Variants in MINDY4 observed in about 807,000 individuals in gnomAD.
The protein encoded by MINDY4 is MINDY lysine 48 deubiquitinase 4, also known as probable ubiquitin carboxyl-terminal hydrolase MINDY-4.
In MINDY4, 68 loss-of-function variants were observed where a neutral mutation model predicts 87.0. That is an observed-to-expected ratio of 0.78 (90% CI 0.64 to 0.96). MINDY4 has a LOEUF of 0.96. Ranked by LOEUF, MINDY4 falls within the 40% of genes least tolerant of loss-of-function variation. The probability of loss-of-function intolerance (pLI) is 0.00; values close to 1 mark genes in which losing one functional copy is unlikely to be tolerated. For missense variants in MINDY4, 919 were observed against 928.2 expected (o/e 0.99, Z 0.13); for synonymous variants, 379 against 363.2 (o/e 1.04, Z -0.50).
chr7:30,824,839 C>T (rs1190512076), intron 5 of MINDY4, among the ~76,000 whole-genome samples: 2 of 152,214 alleles, frequency 1.3e-5, no homozygotes, highest in Non-Finnish European at 2.9e-5. Context: ...GGACTATAGG[C>T]ATGAGCCACC....
intron 13 of MINDY4, among the ~76,000 whole-genome samples, chr7:30,862,388 T>C (rs1306279999): frequency 6.6e-6 from 1 of 152,236 alleles, no homozygotes; most frequent in Non-Finnish European, 1.5e-5. Context: ...GAATAAGCCA[T>C]TCTCTGGCCT....
At chr7:30,814,165 A>G (rs1297367327) in intron 5 of MINDY4, among the ~76,000 whole-genome samples, 1 of 152,242 alleles carries the variant, frequency 6.6e-6, no homozygotes, top group Non-Finnish European at 1.5e-5. Flanking sequence ...AGAATATGAA[A>G]GTATTTAATT....
At chr7:30,819,401 CAT>C (rs1009263322) in intron 5 of MINDY4, among the ~76,000 whole-genome samples, 24 of 152,106 alleles carry the variant, frequency 1.6e-4, no homozygotes, top group Admixed American at 1.6e-3. Flanking sequence ...TTTTTTGAGA[CAT>C]AATATGTGGA....
In MINDY4 at chr7:30,882,837, C is replaced by T. The variant is rs563505090; in HGVS notation, c.2153-84C>T. 3.0e-4 allele frequency: 356 copies of T among 1,187,794 alleles called. 3 individuals carry two copies. The South Asian group carries it at 3.3e-3, about 11-fold the overall frequency. The allele number at this position is 1,187,794 out of a possible 1,614,324, so 73.6% of individuals were successfully genotyped here. ...GGAGGGGACAGGGACTAGAAGGGGG[C>T]GGGTCTCGGGAGTGGTCAGCGCTGA... On this transcript the variant is annotated intron_variant, in intron 16 of 17. Transcript: ENST00000265299.
chr7:30,786,184 G>A (rs1021138099), intron 4 of MINDY4, 192 bp downstream of exon 4: 4 of 704,184 alleles, frequency 5.7e-6, no homozygotes, highest in Non-Finnish European at 9.2e-6. Context: ...CCTTGAGCAG[G>A]CCTCCTTTCC....
chr7:30,881,371 G>A (rs1790459595), intron 15 of MINDY4, among the ~76,000 whole-genome samples: 2 of 152,156 alleles, frequency 1.3e-5, no homozygotes, highest in Non-Finnish European at 2.9e-5. Context: ...CCCCTGCTTG[G>A]AATGCTCCTT....
chr7:30,837,405 A>G (rs1788890502), intron 7 of MINDY4, among the ~76,000 whole-genome samples: 1 of 152,184 alleles, frequency 6.6e-6, no homozygotes, highest in Non-Finnish European at 1.5e-5. Context: ...AGGGAAAAAT[A>G]AAACTCCTAG....
chr7:30,781,707 A>G (rs139892423), intron 2 of MINDY4: 3 of 420,996 alleles, frequency 7.1e-6, no homozygotes, highest in African/African-American at 2.0e-5. Flanking sequence ...CTCTATTCCT[A>G]TCACATTTTA....
At chr7:30,867,444 GTTCATCT>G (rs1789974425) in intron 13 of MINDY4, among the ~76,000 whole-genome samples, 1 of 152,116 alleles carries the variant, frequency 6.6e-6, no homozygotes, top group Non-Finnish European at 1.5e-5. Flanking sequence ...GCTTTATATA[GTTCATCT>G]CATTCAGTTC....
chr7:30,852,277 A>G lies in MINDY4; in HGVS notation c.1609A>G (p.Thr537Ala), dbSNP rs1466840865. Reference sequence around the variant, plus strand: ...ATACAAAGCAGATGGAGTCTTAGAAACAGTACGACTTTCTGGAAAATTATC... The same window carrying G: ...ATACAAAGCAGATGGAGTCTTAGAAGCAGTACGACTTTCTGGAAAATTATC... ...GKYKADGVLE[T>A]LTLHSLTCYE... The change falls in exon 11 of 18, where the codon ACA becomes GCA. Residue 537 changes from threonine to alanine, a missense_variant and splice_region_variant. Coordinates refer to ENST00000265299, the MANE Select transcript of MINDY4 (RefSeq NM_032222.3). 1.9e-6 allele frequency: 3 copies of G among 1,614,022 alleles called. No individual in the cohort carries two copies. Among genetic ancestry groups the G allele is most frequent in the Non-Finnish European group, 2.5e-6 (3 of 1,180,010 alleles).
intron 17 of MINDY4, among the ~76,000 whole-genome samples, chr7:30,886,768 G>A (rs145973509): frequency 1.3e-5 from 2 of 152,230 alleles, no homozygotes; most frequent in African/African-American, 2.4e-5. Context: ...GCGCTTTGCT[G>A]TGACGCAAAC....
At chr7:30,801,132 T>C (rs1013166400) in intron 5 of MINDY4, among the ~76,000 whole-genome samples, 1 of 152,114 alleles carries the variant, frequency 6.6e-6, no homozygotes, top group Non-Finnish European at 1.5e-5. Context: ...GGGGAATGAA[T>C]TGTGCCAGCC....
chr7:30,841,474 C>T (rs919845307), intron 9 of MINDY4, among the ~76,000 whole-genome samples: 6 of 152,180 alleles, frequency 3.9e-5, no homozygotes, highest in South Asian at 2.1e-4. Flanking sequence ...CCCATACCAT[C>T]GTTGGTGCCA....
chr7:30,802,119 C>CT lies in MINDY4; in HGVS notation c.1073+10552dup, dbSNP rs528605066. ...ATTATGGAGAATCTTTCCTGTATTCCTTTTTTTCTCACTCCAAGATGCTTT... is the reference window on the plus strand; with the variant it reads ...ATTATGGAGAATCTTTCCTGTATTCCTTTTTTTTCTCACTCCAAGATGCTTT... On this transcript the variant is annotated intron_variant, in intron 5 of 17. Coordinates refer to ENST00000265299, the MANE Select transcript of MINDY4 (RefSeq NM_032222.3). Among the ~76,000 whole-genome samples, 165 of 152,202 alleles carry CT rather than the reference C, an allele frequency of 1.1e-3. 1 individual carries two copies. Among genetic ancestry groups the CT allele is most frequent in the Non-Finnish European group, 1.9e-3 (126 of 68,006 alleles).
intron 6 of MINDY4, among the ~76,000 whole-genome samples, chr7:30,836,061 C>G (rs1392959610): frequency 6.6e-6 from 1 of 152,232 alleles, no homozygotes; most frequent in Non-Finnish European, 1.5e-5. Flanking sequence ...CTTAACTCCT[C>G]TAAGCCTCAG....
chr7:30,782,241 G>C, intron 3 of MINDY4, 29 bp downstream of exon 3: 1 of 1,550,840 alleles, frequency 6.4e-7, no homozygotes, highest in Non-Finnish European at 8.8e-7. Flanking sequence ...ATGTTTATTA[G>C]TTTCCTATTG....
At chr7:30,783,452 C>A (rs1787063399) in intron 3 of MINDY4, among the ~76,000 whole-genome samples, 1 of 152,156 alleles carries the variant, frequency 6.6e-6, no homozygotes, top group African/African-American at 2.4e-5. Flanking sequence ...AATGGGTTAA[C>A]CCACTTATGC....
At position 30,782,106 on chromosome 7, in the gene MINDY4, A is replaced by G; in HGVS notation, c.313A>G (p.Asn105Asp). ...IPALSVPKKN[N>D]KVPSRCSETT... is the part of the protein sequence containing the mutation. ...TGCACTCTCAGTTCCAAAGAAAAAT[A>G]ACAAAGTGCCATCAAGATGCTCAGA... The change falls in exon 3 of 18, where the codon AAC (asparagine) becomes GAC (aspartate). Residue 105 changes from asparagine (N) to aspartate (D), a missense_variant. Physicochemically the swap from Asn to Asp is conservative, Grantham distance 23 (BLOSUM62 1). Coordinates refer to ENST00000265299, the MANE Select transcript of MINDY4 (RefSeq NM_032222.3). 1.9e-6 allele frequency: 3 copies of G among 1,614,096 alleles called. No homozygotes were observed. The highest frequency in any genetic ancestry group is 2.5e-6 in the Non-Finnish European group (3 of 1,180,014).
At chr7:30,808,956 A>AGG (rs1312669614) in intron 5 of MINDY4, among the ~76,000 whole-genome samples, 2 of 150,748 alleles carry the variant, frequency 1.3e-5, no homozygotes, top group African/African-American at 4.9e-5. Context: ...AGAGAGAGAG[A>AGG]GGCAGAGAGA....
Sources: allele counts gnomAD v4.1 joint callset (sites outside exome capture counted in the v4.1 genomes callset), GRCh38; gene constraint gnomAD v4.1.1; transcripts MANE v1.5; gene names NCBI Gene and HGNC (gene_info 2026-07-23, HGNC 2026-07-21).